Variants in NSD1 observed in about 807,000 individuals in gnomAD.
NSD1 encodes the protein histone-lysine N-methyltransferase, H3 lysine-36 specific.
In NSD1, 26 loss-of-function variants were observed where a neutral mutation model predicts 242.7. The observed-to-expected ratio is 0.11, with a 90% confidence interval of 0.08 to 0.15. NSD1 has a LOEUF of 0.15. Among genes scored for constraint, NSD1 ranks in the 10% least tolerant of loss-of-function variants. The probability of loss-of-function intolerance (pLI) is 1.00; values close to 1 mark genes in which losing one functional copy is unlikely to be tolerated. For synonymous variants in NSD1, 1,106 were observed against 1,178.1 expected, an observed-to-expected ratio of 0.94 and a Z score of 1.25; for missense variants, 2,495 against 3,272.8, an observed-to-expected ratio of 0.76 and a Z score of 5.80.
At chr5:177,150,494 A>G (rs1720582905) in intron 2 of NSD1, among the ~76,000 whole-genome samples, 1 of 147,708 alleles carries the variant, frequency 6.8e-6, no homozygotes. Context: ...CAATAAAATC[A>G]TACATACTTG....
chr5:177,208,678 A>G (rs1177889881), intron 4 of NSD1, among the ~76,000 whole-genome samples: 2 of 149,586 alleles, frequency 1.3e-5, no homozygotes, highest in East Asian at 3.9e-4. Context: ...GCAACTGAAC[A>G]TGTGTTTGGC....
chr5:177,245,464 A>G (rs1376499596), intron 9 of NSD1, among the ~76,000 whole-genome samples: 4 of 152,158 alleles, frequency 2.6e-5, no homozygotes, highest in African/African-American at 9.7e-5. Flanking sequence ...CAGGCAGTCA[A>G]AAAAGAGCTC....
intron 2 of NSD1, chr5:177,136,756 G>A: frequency 1.9e-6 from 1 of 533,902 alleles, no homozygotes; most frequent in South Asian, 2.6e-5. Context: ...ACCACGCCCG[G>A]CTAATTTTTG....
At chr5:177,188,686 T>C (rs1225712189) in intron 2 of NSD1, among the ~76,000 whole-genome samples, 2 of 152,144 alleles carry the variant, frequency 1.3e-5, no homozygotes, top group Non-Finnish European at 2.9e-5. Flanking sequence ...GCATAATTTT[T>C]TTTGGTTATA....
chr5:177,184,747 G>T (rs1294112127), intron 2 of NSD1, among the ~76,000 whole-genome samples: 2 of 152,246 alleles, frequency 1.3e-5, no homozygotes, highest in Middle Eastern at 3.4e-3. Context: ...TCTCGCCAAA[G>T]TTGATCTTGA....
chr5:177,140,793 A>G lies in NSD1; in HGVS notation c.927+4763A>G, dbSNP rs117679058. Among the ~76,000 whole-genome samples, 37 of 152,282 alleles carry G rather than the reference A, an allele frequency of 2.4e-4. No individual in the cohort carries two copies. The East Asian group carries it at 5.0e-3, about 21-fold the overall frequency. On this transcript the variant is annotated intron_variant, in intron 2 of 22. Coordinates refer to ENST00000439151, the MANE Select transcript of NSD1 (RefSeq NM_022455.5). ...TGGGGGCTACCTGATCTGGAGGCAGATTGGAGTCTGGATTTGAGGAATGGA... is the reference window on the plus strand; with the variant it reads ...TGGGGGCTACCTGATCTGGAGGCAGGTTGGAGTCTGGATTTGAGGAATGGA...
intron 2 of NSD1, among the ~76,000 whole-genome samples, chr5:177,167,545 A>T (rs147455683): frequency 0.018 from 2,815 of 152,242 alleles, 33 homozygotes; most frequent in Non-Finnish European, 0.028. Context: ...CAAAAAAAAA[A>T]AAATATATTT....
rs1343614324 is a variant in NSD1 at position 177,209,647 on chromosome 5, A to G, written c.1248A>G (p.Lys416=). 6.2e-7 allele frequency: 1 copy of G among 1,613,756 alleles called. No individual in the cohort carries two copies. The highest frequency in any genetic ancestry group is 1.3e-5 in the African/African-American group (1 of 74,910). Residue 416 remains lysine (K), a synonymous_variant, in exon 5 of 23, where the codon AAA becomes AAG. Coordinates refer to ENST00000439151, the MANE Select transcript of NSD1 (RefSeq NM_022455.5). Reference sequence around the variant, plus strand: ...CCTTTAAATTTAAGGTTCCTCAGAAAATTTTGAGTAAATGGGAAGCCAGTG... The same window carrying G: ...CCTTTAAATTTAAGGTTCCTCAGAAGATTTTGAGTAAATGGGAAGCCAGTG... ...EKGYRHKVPQ[K]ILSKWEASVG... is the part of the protein sequence containing the mutation.
chr5:177,275,160 C>G (rs552510925), intron 17 of NSD1, among the ~76,000 whole-genome samples: 2 of 151,476 alleles, frequency 1.3e-5, no homozygotes, highest in East Asian at 1.9e-4. Flanking sequence ...GAAAAACTTT[C>G]GTTGTTTGTC....
chr5:177,178,699 G>A (rs1469097919), intron 2 of NSD1, among the ~76,000 whole-genome samples: 1 of 152,056 alleles, frequency 6.6e-6, no homozygotes, highest in African/African-American at 2.4e-5. Context: ...CGACCTCCTC[G>A]GCTTAAGTGA....
chr5:177,233,835 T>C (rs1765245453), intron 5 of NSD1, among the ~76,000 whole-genome samples: 1 of 152,216 alleles, frequency 6.6e-6, no homozygotes, highest in Non-Finnish European at 1.5e-5. Flanking sequence ...GTTTATGCCA[T>C]GTGCTTTCCC....
intron 2 of NSD1, among the ~76,000 whole-genome samples, chr5:177,167,449 C>T (rs1341131345): frequency 9.2e-5 from 14 of 151,986 alleles, no homozygotes; most frequent in African/African-American, 3.4e-4. Context: ...GCAGGAGAAT[C>T]GCTTGAACCT....
At chr5:177,179,793 GAAATA>G (rs1760508543) in intron 2 of NSD1, among the ~76,000 whole-genome samples, 1 of 152,208 alleles carries the variant, frequency 6.6e-6, no homozygotes, top group Non-Finnish European at 1.5e-5. Context: ...CTTAGAGTTG[GAAATA>G]AGTTGGTGTG....
At chr5:177,153,598 G>A (rs73345874) in intron 2 of NSD1, among the ~76,000 whole-genome samples, 1 of 151,722 alleles carries the variant, frequency 6.6e-6, no homozygotes, top group African/African-American at 2.4e-5. Context: ...TCCCAATCTG[G>A]TTTTCATTTT....
intron 5 of NSD1, among the ~76,000 whole-genome samples, chr5:177,220,563 C>CTTTTTTTTTTTTTT (rs869220346): frequency 2.4e-5 from 2 of 84,332 alleles, no homozygotes; most frequent in Non-Finnish European, 2.3e-5. Context: ...ATAGTAATTG[C>CTTTTTTTTTTTTTT]TTTTTTTTTT....
chr5:177,142,542 A>G (rs1252195884), intron 2 of NSD1, among the ~76,000 whole-genome samples: 1 of 152,198 alleles, frequency 6.6e-6, no homozygotes, highest in Non-Finnish European at 1.5e-5. Context: ...TAGCATATGC[A>G]AGTGGCCAGA....
At position 177,209,916 on chromosome 5, in the gene NSD1, C is replaced by T. The variant is rs1486617808; in HGVS notation, c.1517C>T (p.Pro506Leu). The T allele has an allele frequency of 1.2e-6, 2 of 1,613,586 alleles. No individual in the cohort carries two copies. The highest frequency in any genetic ancestry group is 2.7e-5 in the African/African-American group (2 of 74,846). ...CGAGCCAGAAAGAGCTCTGATAATC[C>T]AAAAAGGACTAGTGTGAAAAAGGGC... ...KSRARKSSDN[P>L]KRTSVKKGHI... is the part of the protein sequence containing the mutation. The change falls in exon 5 of 23, where the codon CCA (proline) becomes CTA (leucine). Residue 506 changes from proline to leucine, a missense_variant. Pro to Leu is a moderately conservative substitution (Grantham distance 98, BLOSUM62 -3). This residue lies in a region of NSD1 where 515 missense variants were observed against 467.0 expected (regional missense o/e 1.10). Transcript: ENST00000439151.
intron 16 of NSD1, among the ~76,000 whole-genome samples, chr5:177,270,538 T>C (rs1231585503): frequency 6.6e-6 from 1 of 152,246 alleles, no homozygotes; most frequent in African/African-American, 2.4e-5. Context: ...ATTTATTTGG[T>C]ACTTAAAGTA....
At position 177,266,367 on chromosome 5, in the gene NSD1, C is replaced by G. The variant is rs1757463043; in HGVS notation, c.5147-1195C>G. 8.7e-6 allele frequency: 6 copies of G among 686,430 alleles called. No individual in the cohort carries two copies. In the Admixed American group the frequency reaches 1.1e-4, roughly 13 times the overall value. 42.5% of individuals were successfully genotyped at this position (686,430 alleles called of 1,614,324 possible). ...ATGCCGATGACCTTGCGGGCCCGGCCTTGGCGGCGAACATGCAGAGGATGC... is the reference window on the plus strand; with the variant it reads ...ATGCCGATGACCTTGCGGGCCCGGCGTTGGCGGCGAACATGCAGAGGATGC... On this transcript the variant is annotated intron_variant, in intron 14 of 22. Coordinates refer to ENST00000439151, the MANE Select transcript of NSD1 (RefSeq NM_022455.5).
Sources: gnomAD v4.1 joint callset for allele counts (sites outside exome capture counted in the v4.1 genomes callset) on GRCh38, gnomAD v4.1.1 for gene constraint, gnomAD v4.1.1 regional missense constraint, MANE v1.5 for transcripts, NCBI Gene and HGNC (gene_info 2026-07-23, HGNC 2026-07-21) for gene names.